GXYLT1: variants seen among roughly 807,000 people sequenced by gnomAD.
The protein encoded by GXYLT1 is glucoside xylosyltransferase 1, also known as glycosyltransferase 8 domain containing 3.
GXYLT1 carries 29 observed loss-of-function variants against 54.0 expected under a neutral mutation model. The observed-to-expected ratio is 0.54, with a 90% CI of 0.40 to 0.73. The LOEUF is 0.73. Among genes scored for constraint, GXYLT1 ranks in the 30% least tolerant of loss-of-function variants. The pLI, the probability that GXYLT1 is intolerant of heterozygous loss-of-function variation, is 0.00. For synonymous variants in GXYLT1, 176 were observed against 204.1 expected (o/e 0.86, Z 1.17); for missense variants, 490 against 553.4 (o/e 0.89, Z 1.15).
rs981743295 is a variant in GXYLT1, at chr12:42,144,700, T to C, written c.-54A>G. 323 of 1,135,958 alleles carry C rather than the reference T, an allele frequency of 2.8e-4. 2 individuals carry two copies. The East Asian group carries it at 0.011, about 37-fold the overall frequency. 70.4% of individuals were successfully genotyped at this position (1,135,958 alleles called of 1,614,324 possible). A position where few individuals can be genotyped will look rare whatever the true frequency, so the allele number is the denominator to read the frequency against. On this transcript the variant is annotated 5_prime_UTR_variant, in exon 1 of 8. Coordinates refer to ENST00000398675, the MANE Select transcript of GXYLT1 (RefSeq NM_173601.2). ...CGCCGCCGCGCCCGCCCCGACGAAC[T>C]GGAGCGGAGGGAGGGGCACCGCGCA...
chr12:42,116,158 A>T (rs2136902315), intron 3 of GXYLT1, among the ~76,000 whole-genome samples: 1 of 152,124 alleles, frequency 6.6e-6, no homozygotes, highest in East Asian at 1.9e-4. Flanking sequence ...TACATGTTAG[A>T]CCTAAAACCA....
intron 6 of GXYLT1, 26 bp downstream of exon 6, chr12:42,097,884 C>T (rs2065365486): frequency 6.6e-7 from 1 of 1,511,382 alleles, no homozygotes; most frequent in Admixed American, 1.9e-5. Context: ...TTTTTTAATG[C>T]AAATAAAAGG....
At chr12:42,098,181 C>G in intron 5 of GXYLT1, 148 bp from the exon 6 acceptor site, 1 of 725,320 alleles carries the variant, frequency 1.4e-6, no homozygotes, top group Non-Finnish European at 2.3e-6. Flanking sequence ...ATTTCTAACC[C>G]TAAATGTGAG....
At chr12:42,117,667 C>G (rs2065505091) in intron 3 of GXYLT1, among the ~76,000 whole-genome samples, 2 of 152,178 alleles carry the variant, frequency 1.3e-5, no homozygotes, top group South Asian at 4.1e-4. Flanking sequence ...TCATTAGCAT[C>G]ACCTTTACCA....
At chr12:42,111,848 G>T (rs1479017645) in intron 3 of GXYLT1, among the ~76,000 whole-genome samples, 1 of 152,188 alleles carries the variant, frequency 6.6e-6, no homozygotes, top group Non-Finnish European at 1.5e-5. Context: ...CTCAAGTGGG[G>T]TCCCTGAACC....
At chr12:42,101,519 G>GCA (rs1415794982) in intron 5 of GXYLT1, among the ~76,000 whole-genome samples, 16 of 151,614 alleles carry the variant, frequency 1.1e-4, no homozygotes, top group Non-Finnish European at 2.4e-4. Context: ...AGCTGAAGAT[G>GCA]TATAAAAGAA....
intron 1 of GXYLT1, among the ~76,000 whole-genome samples, chr12:42,140,270 TTATAACAA>T (rs1419855783): frequency 6.6e-6 from 1 of 151,564 alleles, no homozygotes; most frequent in African/African-American, 2.4e-5. Context: ...ATTTTTGGTT[TTATAACAA>T]GCTGGAGCAC....
At chr12:42,099,102 C>G (rs570741900) in intron 5 of GXYLT1, among the ~76,000 whole-genome samples, 155 of 152,160 alleles carry the variant, frequency 1.0e-3, no homozygotes, top group Middle Eastern at 6.8e-3. Context: ...AGAAAGAGAC[C>G]CTAGTCTCCT....
chr12:42,144,237 A>G (rs2065666931), intron 1 of GXYLT1, among the ~76,000 whole-genome samples, 189 bp downstream of exon 1: 1 of 152,220 alleles, frequency 6.6e-6, no homozygotes, highest in Non-Finnish European at 1.5e-5. Flanking sequence ...AAAGTGTAGG[A>G]CACTCTCAGG....
At chr12:42,129,509 A>T (rs2065582116) in intron 2 of GXYLT1, among the ~76,000 whole-genome samples, 3 of 152,234 alleles carry the variant, frequency 2.0e-5, no homozygotes, top group Non-Finnish European at 1.5e-5. Context: ...ACCAAAAGTT[A>T]GATCATAAAT....
At chr12:42,091,156 T>C (rs1425281342) in intron 7 of GXYLT1, among the ~76,000 whole-genome samples, 1 of 152,150 alleles carries the variant, frequency 6.6e-6, no homozygotes, top group African/African-American at 2.4e-5. Context: ...ATAAAAACAC[T>C]AAGCAGGAGC....
At chr12:42,119,643 AC>A (rs1457289700) in intron 2 of GXYLT1, among the ~76,000 whole-genome samples, 1 of 151,956 alleles carries the variant, frequency 6.6e-6, no homozygotes, top group Non-Finnish European at 1.5e-5. Flanking sequence ...TCCCATCCCT[AC>A]AAAAAATACA....
At chr12:42,135,980 C>T (rs1353115287) in intron 1 of GXYLT1, among the ~76,000 whole-genome samples, 1 of 152,140 alleles carries the variant, frequency 6.6e-6, no homozygotes, top group Non-Finnish European at 1.5e-5. Flanking sequence ...TCTTTCTTTA[C>T]TGGAAATATA....
intron 2 of GXYLT1, among the ~76,000 whole-genome samples, chr12:42,125,877 A>T (rs1019897949): frequency 6.6e-6 from 1 of 151,958 alleles, no homozygotes; most frequent in East Asian, 2.0e-4. Context: ...AAAAAAAAAA[A>T]TTATTTGGCT....
intron 4 of GXYLT1, among the ~76,000 whole-genome samples, chr12:42,108,559 CT>C (rs546270183): frequency 3.0e-3 from 444 of 149,532 alleles, no homozygotes; most frequent in Middle Eastern, 0.01. Context: ...GTATCTAAAA[CT>C]TTTTTTTTTA....
At chr12:42,115,879 A>T (rs561055322) in intron 3 of GXYLT1, among the ~76,000 whole-genome samples, 1 of 130,674 alleles carries the variant, frequency 7.7e-6, no homozygotes, top group Non-Finnish European at 1.7e-5. Context: ...ACTTCAAACT[A>T]TACTACAAGG....
intron 3 of GXYLT1, among the ~76,000 whole-genome samples, chr12:42,111,896 C>T (rs930692607): frequency 3.3e-5 from 5 of 152,178 alleles, no homozygotes; most frequent in Admixed American, 1.3e-4. Context: ...ACTGTAGGGG[C>T]GGACTGACAC....
At chr12:42,136,751 T>TATACATACATACATACATACATACATAC (rs58827513) in intron 1 of GXYLT1, among the ~76,000 whole-genome samples, 11 of 147,370 alleles carry the variant, frequency 7.5e-5, no homozygotes, top group Non-Finnish European at 1.0e-4. Context: ...GGAGGTTTTT[T>TATACATACATACATACATACATACATAC]ATACATACAT....
chr12:42,144,017 C>CAA (rs1479990647), intron 1 of GXYLT1, among the ~76,000 whole-genome samples: 1 of 152,132 alleles, frequency 6.6e-6, no homozygotes, highest in Non-Finnish European at 1.5e-5. Context: ...CACACACACA[C>CAA]AATCCTTAAA....
Sources: gnomAD v4.1 joint callset for allele counts (sites outside exome capture counted in the v4.1 genomes callset) on GRCh38, gnomAD v4.1.1 for gene constraint, MANE v1.5 for transcripts, NCBI Gene and HGNC (gene_info 2026-07-23, HGNC 2026-07-21) for gene names.